The following RIC1 variants were observed in gnomAD, a reference collection of about 807,000 sequenced individuals.
RIC1 encodes the protein guanine nucleotide exchange factor subunit RIC1.
A neutral mutation model predicts 169.0 loss-of-function variants in RIC1; 88 were observed. The ratio of observed to expected loss-of-function variants is 0.52; its 90% CI spans 0.44 to 0.62. The LOEUF (loss-of-function observed/expected upper bound fraction) is 0.62. RIC1 is among the 20% of genes least tolerant of loss of function. The probability of loss-of-function intolerance (pLI) is 0.00; values close to 1 mark genes in which losing one functional copy is unlikely to be tolerated. For synonymous variants in RIC1, 790 were observed against 601.5 expected (o/e 1.31, Z -4.59); for missense variants, 1,877 against 1,725.5 (o/e 1.09, Z -1.56).
At chr9:5,707,737 C>T (rs536812701) in intron 3 of RIC1, among the ~76,000 whole-genome samples, 1 of 152,172 alleles carries the variant, frequency 6.6e-6, no homozygotes, top group East Asian at 1.9e-4. Context: ...ATTTTTCCTT[C>T]CTTCCACCTT....
rs1333207432 is a variant in RIC1, at chr9:5,720,606, T to C, written c.584-8T>C. ...AATCCTATTTCATGTGCTTATTTTTTTCATCAGTAGGTTCATTCCTGGGCT... is the reference window on the plus strand; with the variant it reads ...AATCCTATTTCATGTGCTTATTTTTCTCATCAGTAGGTTCATTCCTGGGCT... On this transcript the variant is annotated splice_polypyrimidine_tract_variant and splice_region_variant and intron_variant, in intron 5 of 25. Coordinates refer to ENST00000414202, the MANE Select transcript of RIC1 (RefSeq NM_020829.4). The C allele has an allele frequency of 6.3e-7, 1 of 1,576,976 alleles. No individual in the cohort carries two copies. Among genetic ancestry groups the C allele is most frequent in the Non-Finnish European group, 8.6e-7 (1 of 1,169,318 alleles).
intron 6 of RIC1, among the ~76,000 whole-genome samples, chr9:5,730,727 T>C (rs975742541): frequency 6.6e-6 from 1 of 152,184 alleles, no homozygotes; most frequent in Non-Finnish European, 1.5e-5. Flanking sequence ...TATTGAGATG[T>C]ACATTTCATT....
intron 3 of RIC1, among the ~76,000 whole-genome samples, chr9:5,706,035 G>T (rs1822565630): frequency 6.6e-6 from 1 of 152,108 alleles, no homozygotes; most frequent in Admixed American, 6.5e-5. Flanking sequence ...TATGCTACTG[G>T]ATCCAGTTTG....
In RIC1 at chr9:5,689,091, C is replaced by T. The variant is rs1209874012; in HGVS notation, c.253-868C>T. The stretch of plus-strand genomic sequence containing the variant: ...TGAGACGGAGTCTCGCTCTGTCGCC[C>T]AGCGGGGAGTGCAGTGGCGCGATCT... On this transcript the variant is annotated intron_variant, in intron 2 of 25. Coordinates refer to ENST00000414202, the MANE Select transcript of RIC1 (RefSeq NM_020829.4). Among the ~76,000 whole-genome samples the T allele has an allele frequency of 3.4e-5, 5 of 146,954 alleles. No homozygotes were observed. In the South Asian group the frequency reaches 6.5e-4, roughly 19 times the overall value.
At chr9:5,751,770 A>G (rs888974706) in intron 12 of RIC1, among the ~76,000 whole-genome samples, 1 of 152,212 alleles carries the variant, frequency 6.6e-6, no homozygotes, top group Non-Finnish European at 1.5e-5. Flanking sequence ...ATAATAAGTG[A>G]AGTATAACAA....
chr9:5,728,585 T>C (rs953459357), intron 6 of RIC1, among the ~76,000 whole-genome samples: 1 of 152,146 alleles, frequency 6.6e-6, no homozygotes, highest in Non-Finnish European at 1.5e-5. Context: ...GGTACTTCAG[T>C]TGGAAATGCA....
chr9:5,759,344 A>G (rs1259530712), intron 17 of RIC1, among the ~76,000 whole-genome samples: 30 of 152,222 alleles, frequency 2.0e-4, no homozygotes, highest in Admixed American at 2.0e-3. Context: ...AATCAAATCA[A>G]GTATAGAGAG....
At chr9:5,683,489 C>G (rs753343081) in intron 2 of RIC1, among the ~76,000 whole-genome samples, 11 of 152,206 alleles carry the variant, frequency 7.2e-5, no homozygotes, top group Non-Finnish European at 1.5e-4. Context: ...ATGCTGCTGC[C>G]TGATCGTTGC....
At chr9:5,671,404 T>C (rs1820097568) in intron 2 of RIC1, among the ~76,000 whole-genome samples, 1 of 152,010 alleles carries the variant, frequency 6.6e-6, no homozygotes, top group Non-Finnish European at 1.5e-5. Flanking sequence ...CCCTCCCAAG[T>C]AGTTGGGATT....
At chr9:5,696,711 G>T (rs1821927974) in intron 3 of RIC1, among the ~76,000 whole-genome samples, 1 of 152,154 alleles carries the variant, frequency 6.6e-6, no homozygotes, top group Non-Finnish European at 1.5e-5. Context: ...TGTATCTCTT[G>T]AGTAAATAAA....
chr9:5,654,518 G>A (rs961079265), intron 1 of RIC1, among the ~76,000 whole-genome samples: 2 of 152,120 alleles, frequency 1.3e-5, no homozygotes, highest in African/African-American at 4.8e-5. Context: ...AAAGTGTTGG[G>A]ATTACAGGCG....
At chr9:5,676,265 C>T (rs775981558) in intron 2 of RIC1, among the ~76,000 whole-genome samples, 21 of 152,064 alleles carry the variant, frequency 1.4e-4, no homozygotes, top group Non-Finnish European at 2.2e-4. Context: ...GATTCTGAAA[C>T]GTTACTAATT....
intron 2 of RIC1, among the ~76,000 whole-genome samples, chr9:5,688,016 C>G (rs980646507): frequency 6.6e-5 from 10 of 152,106 alleles, no homozygotes; most frequent in African/African-American, 2.4e-4. Context: ...TCTTTTTCAT[C>G]TCAGATATTT....
chr9:5,675,441 A>G (rs971668107), intron 2 of RIC1, among the ~76,000 whole-genome samples: 7 of 152,222 alleles, frequency 4.6e-5, no homozygotes, highest in African/African-American at 1.7e-4. Context: ...TAGAACTCCT[A>G]TCTAACAACT....
At chr9:5,771,287 G>A (rs1827201758) in intron 23 of RIC1, among the ~76,000 whole-genome samples, 1 of 151,930 alleles carries the variant, frequency 6.6e-6, no homozygotes, top group South Asian at 2.1e-4. Flanking sequence ...ACTATTCTAG[G>A]TACTTCATAT....
intron 2 of RIC1, among the ~76,000 whole-genome samples, chr9:5,677,537 C>G (rs1489391323): frequency 6.6e-6 from 1 of 151,212 alleles, no homozygotes; most frequent in Non-Finnish European, 1.5e-5. Flanking sequence ...TCATTCTGTT[C>G]CATGATCTAT....
rs780809282 is a variant in RIC1 at position 5,768,978 on chromosome 9, A to C, written c.3146A>C (p.Lys1049Thr). The C allele has an allele frequency of 6.2e-7, 1 of 1,606,162 alleles. No individual in the cohort carries two copies. The highest frequency in any genetic ancestry group is 2.2e-5 in the East Asian group (1 of 44,782). ...TGTGTTTCCACTTACAGATGGAGCA[A>C]AGACAGTGACTGTGCTGAGAACATG... ...PSGPSGKRWS[K>T]DSDCAENMYI... The change falls in exon 22 of 26, where the codon AAA (lysine) becomes ACA (threonine). Residue 1049 changes from lysine to threonine, a missense_variant. Coordinates refer to ENST00000414202, the MANE Select transcript of RIC1 (RefSeq NM_020829.4).
intron 7 of RIC1, among the ~76,000 whole-genome samples, chr9:5,734,914 T>C (rs527331481): frequency 1.3e-5 from 2 of 152,354 alleles, no homozygotes; most frequent in East Asian, 3.9e-4. Flanking sequence ...TCTTGTATAA[T>C]TGGAATATCT....
intron 17 of RIC1, among the ~76,000 whole-genome samples, chr9:5,758,937 G>A (rs902416028): frequency 6.6e-6 from 1 of 151,716 alleles, no homozygotes; most frequent in Admixed American, 6.6e-5. Flanking sequence ...TAGAGACAGG[G>A]TTTCACCATG....
Sources: allele counts gnomAD v4.1 joint callset (sites outside exome capture counted in the v4.1 genomes callset), GRCh38; gene constraint gnomAD v4.1.1; transcripts MANE v1.5; gene names NCBI Gene and HGNC (gene_info 2026-07-23, HGNC 2026-07-21).